VIPAS39: variants seen among roughly 807,000 people sequenced by gnomAD.
The protein encoded by VIPAS39 is spermatogenesis-defective protein 39 homolog.
VIPAS39 carries 63 observed loss-of-function variants against 84.7 expected under a neutral mutation model. That is an observed-to-expected ratio of 0.74 (90% confidence interval 0.61 to 0.92). The LOEUF is 0.92. Ranked by LOEUF, VIPAS39 falls within the 40% of genes least tolerant of loss-of-function variation. VIPAS39 has a pLI of 0.00. For missense variants in VIPAS39, 499 were observed against 604.5 expected (o/e 0.83, Z 1.83); for synonymous variants, 192 against 216.5 (o/e 0.89, Z 0.99).
chr14:77,451,278 C>T lies in VIPAS39; in HGVS notation c.252G>A (p.Gly84=). 1 of 1,614,208 alleles carries T rather than the reference C, an allele frequency of 6.2e-7. No homozygotes were observed. The highest frequency in any genetic ancestry group is 8.5e-7 in the Non-Finnish European group (1 of 1,180,038). ...TAGNSGSTHE[G]REQLKSRNSF... is the part of the protein sequence containing the mutation. Reference sequence around the variant, plus strand: ...TGTTTCGGCTCTTTAGCTGTTCACGCCCCTCGTGGGTTGAGCCGCTATTAC... The same window carrying T: ...TGTTTCGGCTCTTTAGCTGTTCACGTCCCTCGTGGGTTGAGCCGCTATTAC... Residue 84 remains glycine (G), a synonymous_variant, in exon 4 of 20, where the codon GGG becomes GGA. Transcript: ENST00000557658.
chr14:77,439,025 GC>G (rs2078658839), intron 11 of VIPAS39, among the ~76,000 whole-genome samples: 1 of 152,140 alleles, frequency 6.6e-6, no homozygotes, highest in Non-Finnish European at 1.5e-5. Flanking sequence ...ACCTTTAAGA[GC>G]TATAGTTAAT....
At position 77,435,298 on chromosome 14, in the gene VIPAS39, T is replaced by C. The variant is rs759290356; in HGVS notation, c.1008A>G (p.Thr336=). ...ASILNMPLVT[T]LFYSCFYHYT... is the part of the protein sequence containing the mutation. ...AGTGATAGAAGCAGGAGTAGAAAAG[T>C]GTTGTCACTAGTGGCATGTTGAGGA... Residue 336 remains threonine (T), a synonymous_variant, in exon 14 of 20, where the codon ACA becomes ACG. Coordinates refer to ENST00000557658, the MANE Select transcript of VIPAS39 (RefSeq NM_001193315.2). The C allele has an allele frequency of 6.2e-7, 1 of 1,613,812 alleles. No individual in the cohort carries two copies. Among genetic ancestry groups the C allele is most frequent in the African/African-American group, 1.3e-5 (1 of 74,852 alleles).
rs929445587 is a variant in VIPAS39, at chr14:77,444,157, C to T, written c.597+92G>A. ...AGGGGAATCCAGGATCTTTACTTAA[C>T]ATTTAACACAAAATGTTAGTCTATT... is the stretch of plus-strand genomic sequence containing the variant. On this transcript the variant is annotated intron_variant, in intron 8 of 19. Transcript: ENST00000557658. 9 of 1,281,240 alleles carry T rather than the reference C, an allele frequency of 7.0e-6. No individual in the cohort carries two copies. The East Asian group carries it at 1.3e-4, about 18-fold the overall frequency. 79.4% of individuals were successfully genotyped at this position (1,281,240 alleles called of 1,614,324 possible).
chr14:77,432,556 T>C (rs2078540010), intron 16 of VIPAS39, among the ~76,000 whole-genome samples: 1 of 152,160 alleles, frequency 6.6e-6, no homozygotes, highest in South Asian at 2.1e-4. Flanking sequence ...AAAGAAATTG[T>C]GGTACATATA....
intron 17 of VIPAS39, 36 bp downstream of exon 17, chr14:77,429,645 A>C: frequency 6.2e-7 from 1 of 1,605,116 alleles, no homozygotes; most frequent in Non-Finnish European, 8.5e-7. Context: ...GGTCTCCAAG[A>C]ATATCCTGTA....
rs1489134197 is a variant in VIPAS39, at chr14:77,429,067, T to C, written c.1295A>G (p.Glu432Gly). 6.2e-7 allele frequency: 1 copy of C among 1,614,018 alleles called. No individual in the cohort carries two copies. Among genetic ancestry groups the C allele is most frequent in the South Asian group, 1.1e-5 (1 of 91,074 alleles). The change falls in exon 18 of 20, where the codon GAA (glutamate) becomes GGA (glycine). Residue 432 changes from glutamate to glycine, a missense_variant. Physicochemically the swap from Glu to Gly is moderately conservative, Grantham distance 98. Transcript: ENST00000557658. Reference protein sequence around the residue: ...QILQEYVNLVEDVDTKLNLAT... With the variant: ...QILQEYVNLVGDVDTKLNLAT... Reference sequence around the variant, plus strand: ...TAAGTTCAACTTCGTGTCCACATCTTCCACCAGATTGACATACTCCTGTAA... The same window carrying C: ...TAAGTTCAACTTCGTGTCCACATCTCCCACCAGATTGACATACTCCTGTAA...
intron 17 of VIPAS39, among the ~76,000 whole-genome samples, 182 bp from the exon 18 acceptor site, chr14:77,429,277 T>C (rs897892720): frequency 6.6e-6 from 1 of 152,216 alleles, no homozygotes; most frequent in Non-Finnish European, 1.5e-5. Flanking sequence ...AGTACTTCCA[T>C]GCTGCCTCAG....
chr14:77,435,414 T>TAAAAA, intron 13 of VIPAS39, 21 bp from the exon 14 acceptor site: 1 of 892,014 alleles, frequency 1.1e-6, no homozygotes, highest in South Asian at 1.9e-5. Flanking sequence ...GTGAGCCAAG[T>TAAAAA]GAAAAAAAAA....
chr14:77,456,987 G>T, intron 1 of VIPAS39: 1 of 945,640 alleles, frequency 1.1e-6, no homozygotes, highest in Non-Finnish European at 1.4e-6. Context: ...CCACAAGGCA[G>T]GGTGAGAGAC....
intron 16 of VIPAS39, among the ~76,000 whole-genome samples, chr14:77,433,287 G>A (rs1168701266): frequency 2.0e-5 from 3 of 151,882 alleles, no homozygotes; most frequent in African/African-American, 7.3e-5. Flanking sequence ...TGCAACCTCC[G>A]CCTCCTGGAT....
chr14:77,433,983 G>C (rs1456865329), intron 15 of VIPAS39, 52 bp from the exon 16 acceptor site: 3 of 1,559,656 alleles, frequency 1.9e-6, no homozygotes, highest in Non-Finnish European at 2.7e-6. Flanking sequence ...TACATCAATG[G>C]GGGTGCTTAA....
rs549766937 is a variant in VIPAS39, at chr14:77,449,494, G to A, written c.383-137C>T. On this transcript the variant is annotated intron_variant, in intron 5 of 19. Transcript: ENST00000557658. ...ACTTTATGGCCAAAAGCAGATCTCC[G>A]TTCTTCCCCAAAGACAGCATCCCTA... The A allele has an allele frequency of 2.8e-4, 360 of 1,291,476 alleles. No homozygotes were observed. In the African/African-American group the frequency reaches 4.6e-3, roughly 17 times the overall value. The allele number at this position is 1,291,476 out of a possible 1,614,324, so 80.0% of individuals were successfully genotyped here.
rs181984056 is a variant in VIPAS39, at chr14:77,451,466, T to C, written c.197-133A>G. The C allele has an allele frequency of 7.8e-6, 10 of 1,284,732 alleles. No homozygotes were observed. The African/African-American group carries it at 1.0e-4, about 13-fold the overall frequency. The allele number at this position is 1,284,732 out of a possible 1,614,324, so 79.6% of individuals were successfully genotyped here. A position where few individuals can be genotyped will look rare whatever the true frequency, so the allele number is the denominator to read the frequency against. ...GCCAACTTGGGGCAGGGAGAAAAGA[T>C]AGAATCAAATAGACTAATCAGCAGA... On this transcript the variant is annotated intron_variant, in intron 3 of 19. Transcript: ENST00000557658.
intron 16 of VIPAS39, among the ~76,000 whole-genome samples, chr14:77,430,426 C>A (rs1490465532): frequency 6.6e-6 from 1 of 151,998 alleles, no homozygotes; most frequent in East Asian, 1.9e-4. Flanking sequence ...TAAAGAAAAA[C>A]AAAATGGAGG....
Position 77,444,540 on chromosome 14 carries a change from G to A in VIPAS39, c.505-199C>T, listed in dbSNP as rs77166884. On this transcript the variant is annotated intron_variant, in intron 7 of 19. Coordinates refer to ENST00000557658, the MANE Select transcript of VIPAS39 (RefSeq NM_001193315.2). The stretch of plus-strand genomic sequence containing the variant: ...AGTTCAGCCTGCTGCCCTATAAGAT[G>A]CTAATGTCCTGAAGTCTTGATAAAG... Among the ~76,000 whole-genome samples, 4 of 152,170 alleles carry A rather than the reference G, an allele frequency of 2.6e-5. No individual in the cohort carries two copies. The East Asian group carries it at 5.8e-4, about 22-fold the overall frequency.
At chr14:77,456,555 A>G (rs987903794) in intron 1 of VIPAS39, among the ~76,000 whole-genome samples, 2 of 152,226 alleles carry the variant, frequency 1.3e-5, no homozygotes, top group African/African-American at 4.8e-5. Context: ...TCAGTATCAA[A>G]GCCACTTTGT....
In VIPAS39 at chr14:77,443,149, G is replaced by T. The variant is rs2078728460; in HGVS notation, c.601C>A (p.Leu201Met). 1 of 1,614,014 alleles carries T rather than the reference G, an allele frequency of 6.2e-7. No homozygotes were observed. Among genetic ancestry groups the T allele is most frequent in the African/African-American group, 1.3e-5 (1 of 74,908 alleles). The part of the protein sequence containing the change: ...MHDGNVITAV[L>M]IFLKRTLSKE... ...CTCAGTGTCCTCTTCAGGAAAATCA[G>T]AACCTACAGGAAAAAAGAACAAAGA... is the stretch of plus-strand genomic sequence containing the variant. The change falls in exon 9 of 20, where the codon CTG (leucine) becomes ATG (methionine). Residue 201 changes from leucine (L) to methionine (M), a missense_variant. Physicochemically the swap from Leu to Met is conservative, Grantham distance 15. Coordinates refer to ENST00000557658, the MANE Select transcript of VIPAS39 (RefSeq NM_001193315.2).
At chr14:77,449,187 G>C in intron 6 of VIPAS39, 106 bp downstream of exon 6, 1 of 1,297,284 alleles carries the variant, frequency 7.7e-7, no homozygotes, top group Non-Finnish European at 1.1e-6. Context: ...ATAAAACAGG[G>C]TTAAAAAAAT....
Position 77,443,164 on chromosome 14 carries a change from A to G in VIPAS39, c.598-12T>C. The G allele has an allele frequency of 2.5e-6, 4 of 1,614,184 alleles. No homozygotes were observed. Among genetic ancestry groups the G allele is most frequent in the South Asian group, 1.1e-5 (1 of 91,080 alleles). On this transcript the variant is annotated splice_polypyrimidine_tract_variant and intron_variant, in intron 8 of 19. Transcript: ENST00000557658. ...AGGAAAATCAGAACCTACAGGAAAAAAGAACAAAGACTGTGCAAACTTTCC... is the reference window on the plus strand; with the variant it reads ...AGGAAAATCAGAACCTACAGGAAAAGAGAACAAAGACTGTGCAAACTTTCC...
Sources: gnomAD v4.1 joint callset for allele counts (sites outside exome capture counted in the v4.1 genomes callset) on GRCh38, gnomAD v4.1.1 for gene constraint, MANE v1.5 for transcripts, NCBI Gene and HGNC (gene_info 2026-07-23, HGNC 2026-07-21) for gene names.